KLF12: variants seen among roughly 807,000 people sequenced by gnomAD.
The protein encoded by KLF12 is Krueppel-like factor 12.
In KLF12, 9 loss-of-function variants were observed where a neutral mutation model predicts 37.8. That is an observed-to-expected ratio of 0.24 (90% CI 0.14 to 0.42). The LOEUF (loss-of-function observed/expected upper bound fraction) is 0.42. Among genes scored for constraint, KLF12 ranks in the 10% least tolerant of loss-of-function variants. KLF12 has a pLI of 1.00. For missense variants in KLF12, 411 were observed against 516.0 expected, an observed-to-expected ratio of 0.80 and a Z score of 1.97; for synonymous variants, 208 against 202.1, an observed-to-expected ratio of 1.03 and a Z score of -0.25.
At chr13:73,804,294 G>T (rs1882447440) in intron 5 of KLF12, among the ~76,000 whole-genome samples, 1 of 152,168 alleles carries the variant, frequency 6.6e-6, no homozygotes, top group South Asian at 2.1e-4. Context: ...AGAACTATGA[G>T]TCATTCATTC....
chr13:73,959,125 A>AAAAAAAAAAAAAAAC (rs1555329380), intron 2 of KLF12, among the ~76,000 whole-genome samples: 7 of 43,888 alleles, frequency 1.6e-4, no homozygotes, highest in African/African-American at 3.3e-4. Flanking sequence ...CCCCCCTTCC[A>AAAAAAAAAAAAAAAC]AAAAAAAACG....
intron 1 of KLF12, among the ~76,000 whole-genome samples, chr13:74,040,259 C>T (rs1469279478): frequency 6.6e-6 from 1 of 152,120 alleles, no homozygotes; most frequent in Non-Finnish European, 1.5e-5. Context: ...GGCATAATGC[C>T]AGGTGCTAGG....
chr13:73,925,766 C>T (rs925901372), intron 3 of KLF12, among the ~76,000 whole-genome samples: 1 of 152,138 alleles, frequency 6.6e-6, no homozygotes, highest in Non-Finnish European at 1.5e-5. Flanking sequence ...TAAGAACATC[C>T]TGTGATTCAT....
At chr13:73,897,778 T>C (rs1004348322) in intron 3 of KLF12, among the ~76,000 whole-genome samples, 4 of 152,218 alleles carry the variant, frequency 2.6e-5, no homozygotes, top group Non-Finnish European at 5.9e-5. Flanking sequence ...TATCTACTTA[T>C]CAGCAATCTT....
In KLF12 at chr13:73,826,924, G is replaced by C. The variant is rs146921051; in HGVS notation, c.671-13637C>G. ...AGCCTCCAGAATAGCTGGGACTACA[G>C]GTGTGGGCCATCATGCCTGGTTAAC... On this transcript the variant is annotated intron_variant, in intron 4 of 7. Coordinates refer to ENST00000377669, the MANE Select transcript of KLF12 (RefSeq NM_007249.5). Among the ~76,000 whole-genome samples, 282 of 152,218 alleles carry C rather than the reference G, an allele frequency of 1.9e-3. 1 individual carries two copies. Among genetic ancestry groups the C allele is most frequent in the African/African-American group, 6.0e-3 (248 of 41,532 alleles).
intron 6 of KLF12, among the ~76,000 whole-genome samples, chr13:73,761,828 A>C (rs1287351850): frequency 6.6e-6 from 1 of 152,170 alleles, no homozygotes; most frequent in African/African-American, 2.4e-5. Flanking sequence ...TGGAGAAAGG[A>C]AGGCATGCTC....
At chr13:74,004,637 TTAAAA>T (rs1158985913) in intron 1 of KLF12, among the ~76,000 whole-genome samples, 1 of 152,108 alleles carries the variant, frequency 6.6e-6, no homozygotes, top group African/African-American at 2.4e-5. Context: ...CTCAAGCAGT[TTAAAA>T]TAAGATATTT....
chr13:74,183,146 A>C, the KLF12 span, among the ~76,000 whole-genome samples: 1 of 152,184 alleles, frequency 6.6e-6, no homozygotes, highest in African/African-American at 2.4e-5. Flanking sequence ...GTATTGATTA[A>C]TTGAGTGTCT....
At chr13:73,822,885 C>T (rs1883606944) in intron 4 of KLF12, among the ~76,000 whole-genome samples, 1 of 152,168 alleles carries the variant, frequency 6.6e-6, no homozygotes, top group African/African-American at 2.4e-5. Context: ...ACCACTATTC[C>T]CCATAACCTT....
chr13:74,072,936 A>C (rs1874359628), intron 1 of KLF12, among the ~76,000 whole-genome samples: 1 of 152,038 alleles, frequency 6.6e-6, no homozygotes, highest in Admixed American at 6.5e-5. Context: ...CATGATCCCC[A>C]CATGTCATGG....
At chr13:74,196,308 A>G in the KLF12 span, among the ~76,000 whole-genome samples, 11 of 152,258 alleles carry the variant, frequency 7.2e-5, no homozygotes, top group Non-Finnish European at 7.4e-5. Context: ...GAGTTGGTCA[A>G]TGGGGAGCAC....
rs370990048 is a variant in KLF12, at chr13:73,968,025, C to T, written c.34-23955G>A. ...TTCTTTTTATAGATGCTCCTTCTGCCCTATGGTGAAACAGAAAGAACACTG... is the reference window on the plus strand; with the variant it reads ...TTCTTTTTATAGATGCTCCTTCTGCTCTATGGTGAAACAGAAAGAACACTG... On this transcript the variant is annotated intron_variant, in intron 2 of 7. Transcript: ENST00000377669. Among the ~76,000 whole-genome samples, 10 of 152,142 alleles carry T rather than the reference C, an allele frequency of 6.6e-5. No homozygotes were observed. In the South Asian group the frequency reaches 2.1e-3, roughly 32 times the overall value.
At chr13:74,112,417 TG>T (rs1877035785) in intron 1 of KLF12, among the ~76,000 whole-genome samples, 1 of 151,934 alleles carries the variant, frequency 6.6e-6, no homozygotes, top group African/African-American at 2.4e-5. Context: ...TGTGTGTGTG[TG>T]TTTTGTTTTG....
At chr13:74,066,371 G>A (rs1277086282) in intron 1 of KLF12, among the ~76,000 whole-genome samples, 1 of 152,104 alleles carries the variant, frequency 6.6e-6, no homozygotes, top group Non-Finnish European at 1.5e-5. Context: ...TATTGAAAGA[G>A]CCTCTGTAGG....
intron 2 of KLF12, among the ~76,000 whole-genome samples, chr13:73,955,254 T>G (rs1214552751): frequency 1.3e-5 from 2 of 152,194 alleles, no homozygotes; most frequent in African/African-American, 4.8e-5. Flanking sequence ...TTAGAATGGG[T>G]GTACTAACCT....
At chr13:73,761,928 A>T (rs1180224833) in intron 6 of KLF12, among the ~76,000 whole-genome samples, 1 of 152,212 alleles carries the variant, frequency 6.6e-6, no homozygotes, top group East Asian at 1.9e-4. Context: ...CAAAGGCTTC[A>T]TCAATCTTCA....
chr13:74,286,247 T>C, the KLF12 span, among the ~76,000 whole-genome samples: 1 of 152,312 alleles, frequency 6.6e-6, no homozygotes, highest in Admixed American at 6.5e-5. Context: ...TGTGAGGTAA[T>C]GTATACAACG....
intron 4 of KLF12, among the ~76,000 whole-genome samples, chr13:73,838,468 A>G (rs1884559161): frequency 6.6e-6 from 1 of 152,216 alleles, no homozygotes; most frequent in Non-Finnish European, 1.5e-5. Flanking sequence ...CCCAAATTGG[A>G]TTAGTTTCTT....
At chr13:74,103,042 C>G (rs1876450339) in intron 1 of KLF12, among the ~76,000 whole-genome samples, 1 of 152,206 alleles carries the variant, frequency 6.6e-6, no homozygotes, top group South Asian at 2.1e-4. Context: ...GGATGACAGG[C>G]ATCATGGCTA....
Sources: gnomAD v4.1 joint callset for allele counts (sites outside exome capture counted in the v4.1 genomes callset) on GRCh38, gnomAD v4.1.1 for gene constraint, MANE v1.5 for transcripts, NCBI Gene and HGNC (gene_info 2026-07-23, HGNC 2026-07-21) for gene names.